Variants in SLIT2 observed in about 807,000 individuals in gnomAD.
The protein encoded by SLIT2 is slit homolog 2 protein.
In SLIT2, 41 loss-of-function variants were observed where a neutral mutation model predicts 185.7. The observed-to-expected ratio is 0.22, with a 90% CI of 0.17 to 0.29. The LOEUF (loss-of-function observed/expected upper bound fraction) is 0.29, where lower values mean the gene tolerates loss of function less well. Ranked by LOEUF, SLIT2 falls within the 10% of genes least tolerant of loss-of-function variation. The probability of loss-of-function intolerance (pLI) is 1.00; values close to 1 mark genes in which losing one functional copy is unlikely to be tolerated. For missense variants in SLIT2, 1,571 were observed against 1,909.0 expected, an observed-to-expected ratio of 0.82 and a Z score of 3.30; for synonymous variants, 693 against 680.2, an observed-to-expected ratio of 1.02 and a Z score of -0.29.
chr4:20,442,555 G>A (rs113311253), intron 4 of SLIT2, among the ~76,000 whole-genome samples: 48 of 150,172 alleles, frequency 3.2e-4, no homozygotes, highest in African/African-American at 1.2e-3. Context: ...GGGGGGGAGG[G>A]ACCGATTTTA....
At chr4:20,573,157 C>T (rs149941745) in intron 29 of SLIT2, 15 of 702,360 alleles carry the variant, frequency 2.1e-5, no homozygotes, top group South Asian at 8.9e-5. Context: ...GTGAACGCTG[C>T]GCATTGGCTT....
intron 4 of SLIT2, among the ~76,000 whole-genome samples, chr4:20,354,176 G>A (rs561564763): frequency 2.6e-4 from 39 of 151,314 alleles, no homozygotes; most frequent in Middle Eastern, 3.5e-3. Context: ...TTGCATTAAA[G>A]CATTTAATGC....
chr4:20,370,867 G>A (rs138915033), intron 4 of SLIT2, among the ~76,000 whole-genome samples: 38 of 152,222 alleles, frequency 2.5e-4, no homozygotes, highest in African/African-American at 8.9e-4. Context: ...TGGAGAAAAT[G>A]TATGCCGGAT....
At chr4:20,577,276 G>A (rs1726155135) in intron 29 of SLIT2, among the ~76,000 whole-genome samples, 2 of 152,136 alleles carry the variant, frequency 1.3e-5, no homozygotes, top group South Asian at 4.1e-4. Context: ...CAATCTCCCT[G>A]ACAGAGTCAA....
At chr4:20,272,506 T>C (rs551083064) in intron 4 of SLIT2, among the ~76,000 whole-genome samples, 36 of 152,234 alleles carry the variant, frequency 2.4e-4, no homozygotes, top group Middle Eastern at 3.4e-3. Flanking sequence ...TCCTGATAAG[T>C]GTAACCTTAA....
intron 30 of SLIT2, among the ~76,000 whole-genome samples, chr4:20,593,221 A>G (rs754511392): frequency 3.3e-5 from 5 of 152,152 alleles, no homozygotes; most frequent in Admixed American, 6.5e-5. Flanking sequence ...TATAAAAACT[A>G]TACTAATTAA....
Position 20,437,112 on chromosome 4 carries a change from G to A in SLIT2, c.396-30640G>A, listed in dbSNP as rs1729393459. 2.6e-5 allele frequency among the ~76,000 whole-genome samples: 4 copies of A among 152,096 alleles called. No homozygotes were observed. In the South Asian group the frequency reaches 6.2e-4, roughly 24 times the overall value. Reference sequence around the variant, plus strand: ...ATTTCTTGATTTTTAATTCTGTAATGACTCCCAAATTTATCTTTAGTCAGG... The same window carrying A: ...ATTTCTTGATTTTTAATTCTGTAATAACTCCCAAATTTATCTTTAGTCAGG... On this transcript the variant is annotated intron_variant, in intron 4 of 36. Coordinates refer to ENST00000504154, the MANE Select transcript of SLIT2 (RefSeq NM_004787.4).
At chr4:20,592,032 G>C (rs565912957) in intron 30 of SLIT2, among the ~76,000 whole-genome samples, 14 of 152,256 alleles carry the variant, frequency 9.2e-5, no homozygotes, top group African/African-American at 3.4e-4. Flanking sequence ...AGGTAGTTTA[G>C]CAGAAAACGG....
At position 20,251,948 on chromosome 4, in the gene SLIT2, G is replaced by C. The variant is rs1722073421; in HGVS notation, c.-1868G>C. On this transcript the variant is annotated 5_prime_UTR_variant, in exon 1 of 37. Coordinates refer to ENST00000504154, the MANE Select transcript of SLIT2 (RefSeq NM_004787.4). Reference sequence around the variant, plus strand: ...GGGAAGCGCCCGGACGGCGGAGCTTGGCGGCGGCGGTGGTGGTGGCTGCCG... The same window carrying C: ...GGGAAGCGCCCGGACGGCGGAGCTTCGCGGCGGCGGTGGTGGTGGCTGCCG... Among the ~76,000 whole-genome samples, 1 of 152,100 alleles carries C rather than the reference G, an allele frequency of 6.6e-6. No individual in the cohort carries two copies. The highest frequency in any genetic ancestry group is 1.5e-5 in the Non-Finnish European group (1 of 68,000).
At chr4:20,495,451 A>T (rs1248134674) in intron 9 of SLIT2, among the ~76,000 whole-genome samples, 1 of 152,210 alleles carries the variant, frequency 6.6e-6, no homozygotes, top group Non-Finnish European at 1.5e-5. Context: ...AAAGGAGAAG[A>T]GTAAGATGGA....
At position 20,579,668 on chromosome 4, in the gene SLIT2, T is replaced by C. The variant is rs576192292; in HGVS notation, c.3089-9976T>C. 2.7e-3 allele frequency among the ~76,000 whole-genome samples: 408 copies of C among 152,108 alleles called. 4 individuals are homozygous for C. The highest frequency in any genetic ancestry group is 9.4e-3 in the African/African-American group (392 of 41,506). The stretch of plus-strand genomic sequence containing the variant: ...CCAAGATGTGTAATGAAAATTACAC[T>C]AAAGCAGCTTTTGTTGGCGAAATAA... On this transcript the variant is annotated intron_variant, in intron 29 of 36. Transcript: ENST00000504154.
chr4:20,472,183 A>G (rs182854241), intron 5 of SLIT2, among the ~76,000 whole-genome samples: 26 of 140,008 alleles, frequency 1.9e-4, no homozygotes, highest in African/African-American at 6.9e-4. Context: ...AATGTAACCA[A>G]TATTTAGGAA....
intron 4 of SLIT2, among the ~76,000 whole-genome samples, chr4:20,365,828 G>T (rs1723073051): frequency 6.6e-6 from 1 of 152,096 alleles, no homozygotes; most frequent in African/African-American, 2.4e-5. Context: ...CTCCAGTTCT[G>T]TGTGAGCTCC....
intron 4 of SLIT2, among the ~76,000 whole-genome samples, chr4:20,386,407 A>G (rs182143271): frequency 9.0e-4 from 137 of 152,156 alleles, no homozygotes; most frequent in Admixed American, 1.6e-3. Flanking sequence ...GTGTGACACA[A>G]GTGTGTCACA....
Position 20,533,541 on chromosome 4 carries a change from TA to T in SLIT2, c.1689-27del, listed in dbSNP as rs1462473958. The T allele has an allele frequency of 3.9e-6, 6 of 1,536,644 alleles. No homozygotes were observed. The Admixed American group carries it at 5.5e-5, about 14-fold the overall frequency. ...AATTCCCACCTTGTTAGAAATTATT[TA>T]AAACCTTTGTTCCAACAATTTTTAT... On this transcript the variant is annotated intron_variant, in intron 17 of 36. Coordinates refer to ENST00000504154, the MANE Select transcript of SLIT2 (RefSeq NM_004787.4).
At chr4:20,554,214 C>T (rs565413843) in intron 26 of SLIT2, 8 of 573,996 alleles carry the variant, frequency 1.4e-5, no homozygotes, top group South Asian at 6.7e-5. Flanking sequence ...TATCAAAAAA[C>T]GTAGAGTTCA....
intron 4 of SLIT2, among the ~76,000 whole-genome samples, chr4:20,391,024 T>C (rs1397654345): frequency 6.6e-6 from 1 of 152,058 alleles, no homozygotes; most frequent in East Asian, 1.9e-4. Context: ...AATAATCCAC[T>C]TAAAGATGGA....
chr4:20,327,608 A>G (rs1222574256), intron 4 of SLIT2, among the ~76,000 whole-genome samples: 2 of 152,058 alleles, frequency 1.3e-5, no homozygotes, highest in Non-Finnish European at 2.9e-5. Flanking sequence ...AAAGAGCTTT[A>G]AAATCATAAT....
intron 4 of SLIT2, among the ~76,000 whole-genome samples, chr4:20,382,139 A>T (rs1307176949): frequency 6.6e-6 from 1 of 152,134 alleles, no homozygotes; most frequent in Non-Finnish European, 1.5e-5. Flanking sequence ...AAAAGGAAAA[A>T]GGATTTGACT....
Sources: allele counts gnomAD v4.1 joint callset (sites outside exome capture counted in the v4.1 genomes callset), GRCh38; gene constraint gnomAD v4.1.1; transcripts MANE v1.5; gene names NCBI Gene and HGNC (gene_info 2026-07-23, HGNC 2026-07-21).